The following THSD4 variants were observed in gnomAD, a reference collection of about 807,000 sequenced individuals.
THSD4 encodes the protein thrombospondin type 1 domain containing 4, also known as thrombospondin type-1 domain-containing protein 4.
Under a neutral mutation model 119.0 loss-of-function variants are expected in THSD4, and 69 were observed. The observed-to-expected ratio is 0.58, with a 90% CI of 0.48 to 0.71. The LOEUF is 0.71. THSD4 is among the 30% of genes least tolerant of loss of function. THSD4 has a pLI of 0.00. For missense variants in THSD4, 1,393 were observed against 1,391.1 expected (o/e 1.00, Z -0.02); for synonymous variants, 524 against 540.4 (o/e 0.97, Z 0.42).
At chr15:71,469,235 C>T (rs572768445) in intron 7 of THSD4, among the ~76,000 whole-genome samples, 4 of 152,258 alleles carry the variant, frequency 2.6e-5, no homozygotes, top group South Asian at 4.2e-4. Context: ...TCTTCTAAAC[C>T]GTGCTAACTT....
chr15:71,399,702 A>G (rs1205814468), intron 6 of THSD4, among the ~76,000 whole-genome samples: 1 of 152,210 alleles, frequency 6.6e-6, no homozygotes, highest in Non-Finnish European at 1.5e-5. Flanking sequence ...CTCCCGGACC[A>G]GCAGCACTGG....
chr15:71,746,801 G>C, intron 12 of THSD4, 37 bp from the exon 13 acceptor site: 4 of 1,605,938 alleles, frequency 2.5e-6, no homozygotes, highest in Non-Finnish European at 3.4e-6. Flanking sequence ...TTGACTGAAG[G>C]TTGTCTCTCA....
intron 8 of THSD4, among the ~76,000 whole-genome samples, chr15:71,669,372 T>G (rs2051476697): frequency 6.6e-6 from 1 of 152,230 alleles, no homozygotes; most frequent in African/African-American, 2.4e-5. Flanking sequence ...TATCTTACAT[T>G]TCAACTCTGC....
chr15:71,503,695 A>G (rs929798413), intron 7 of THSD4, among the ~76,000 whole-genome samples: 3 of 152,148 alleles, frequency 2.0e-5, no homozygotes, highest in African/African-American at 7.2e-5. Flanking sequence ...ATCTTCAGCA[A>G]AGGGGGGCCT....
At chr15:71,616,760 C>T (rs1005671087) in intron 7 of THSD4, among the ~76,000 whole-genome samples, 2 of 152,218 alleles carry the variant, frequency 1.3e-5, no homozygotes, top group African/African-American at 4.8e-5. Flanking sequence ...GATGAGATTC[C>T]TGCATTGGGC....
At chr15:71,281,907 C>T (rs2044657475) in intron 6 of THSD4, among the ~76,000 whole-genome samples, 3 of 152,200 alleles carry the variant, frequency 2.0e-5, no homozygotes, top group Admixed American at 2.0e-4. Flanking sequence ...TGTCCTTTGG[C>T]TTTGGCTCAT....
chr15:71,210,334 C>T (rs905627730), intron 3 of THSD4, among the ~76,000 whole-genome samples: 10 of 152,098 alleles, frequency 6.6e-5, no homozygotes, highest in African/African-American at 1.7e-4. Context: ...AATTAGCCTT[C>T]GGTTGGCCTG....
intron 1 of THSD4, among the ~76,000 whole-genome samples, chr15:71,139,359 C>T (rs992297553): frequency 1.1e-4 from 16 of 152,186 alleles, no homozygotes; most frequent in Admixed American, 2.6e-4. Flanking sequence ...TGATGGTTAT[C>T]AGGGACTTGG....
In THSD4 at chr15:71,740,479, G is replaced by T. The variant is rs7169320; in HGVS notation, c.1906+2472G>T. 9.0e-3 allele frequency among the ~76,000 whole-genome samples: 1,369 copies of T among 152,262 alleles called. 12 individuals carry two copies. The highest frequency in any genetic ancestry group is 0.032 in the African/African-American group (1,328 of 41,550). ...CTGTCACTGCGTGGTTTTCAACAAA[G>T]GGTGCCATGTGGAGAAGATTCTCTT... On this transcript the variant is annotated intron_variant, in intron 11 of 17. Transcript: ENST00000261862.
chr15:71,453,306 T>C (rs1276168330), intron 7 of THSD4, among the ~76,000 whole-genome samples: 2 of 152,196 alleles, frequency 1.3e-5, no homozygotes, highest in Admixed American at 1.3e-4. Context: ...CCTTTCAGAA[T>C]TCAAAACTTA....
chr15:71,249,126 C>T lies in THSD4; in HGVS notation c.912+6030C>T, dbSNP rs140890029. On this transcript the variant is annotated intron_variant, in intron 5 of 17. Transcript: ENST00000261862. ...ATACATATATATATACACACACACA[C>T]GTATGTATATACACTTATATGTGAA... Among the ~76,000 whole-genome samples the T allele has an allele frequency of 8.5e-3, 1,291 of 151,958 alleles. 26 individuals carry two copies. Among genetic ancestry groups the T allele is most frequent in the African/African-American group, 0.03 (1,250 of 41,438 alleles).
At position 71,745,101 on chromosome 15, in the gene THSD4, T is replaced by G; in HGVS notation, c.1907-5T>G. On this transcript the variant is annotated splice_polypyrimidine_tract_variant and splice_region_variant and intron_variant, in intron 11 of 17. Transcript: ENST00000261862. ...TGTCCTTCAGACATTCTCCTGTTGT[T>G]GCAGGATCGCAGTACCCTATTTTCC... The G allele has an allele frequency of 6.2e-7, 1 of 1,609,642 alleles. No individual in the cohort carries two copies. Among genetic ancestry groups the G allele is most frequent in the East Asian group, 2.2e-5 (1 of 44,788 alleles).
intron 6 of THSD4, among the ~76,000 whole-genome samples, chr15:71,402,644 G>A (rs527675043): frequency 6.6e-6 from 1 of 152,280 alleles, no homozygotes; most frequent in Non-Finnish European, 1.5e-5. Context: ...TGTACCAGAG[G>A]ACCAGTTGTT....
intron 7 of THSD4, among the ~76,000 whole-genome samples, chr15:71,470,718 C>T (rs537297832): frequency 1.3e-5 from 2 of 151,994 alleles, no homozygotes; most frequent in Non-Finnish European, 2.9e-5. Flanking sequence ...TCACTGCAAG[C>T]TCCGCTTCCC....
rs566901605 is a variant in THSD4, at chr15:71,535,416, G to T, written c.1152+123593G>T. Among the ~76,000 whole-genome samples the T allele has an allele frequency of 2.6e-5, 4 of 152,290 alleles. No homozygotes were observed. In the South Asian group the frequency reaches 8.3e-4, roughly 32 times the overall value. On this transcript the variant is annotated intron_variant, in intron 7 of 17. Coordinates refer to ENST00000261862, the MANE Select transcript of THSD4 (RefSeq NM_024817.3). ...TATTTGAGTTACGTCCATTTCGGGGGTTGGGCTATCATGAATAATGCTGCT... is the reference window on the plus strand; with the variant it reads ...TATTTGAGTTACGTCCATTTCGGGGTTTGGGCTATCATGAATAATGCTGCT...
rs542231612 is a variant in THSD4, at chr15:71,568,698, G to A, written c.1153-91832G>A. 1.5e-4 allele frequency among the ~76,000 whole-genome samples: 23 copies of A among 151,372 alleles called. No individual in the cohort carries two copies. The South Asian group carries it at 3.8e-3, about 25-fold the overall frequency. On this transcript the variant is annotated intron_variant, in intron 7 of 17. Transcript: ENST00000261862. ...GTTGGTGCGCTGCACCCATTAACTCGTCATTTACATTAGATATATCTCCTC... is the reference window on the plus strand; with the variant it reads ...GTTGGTGCGCTGCACCCATTAACTCATCATTTACATTAGATATATCTCCTC...
intron 7 of THSD4, among the ~76,000 whole-genome samples, chr15:71,471,482 G>T (rs1356052655): frequency 6.6e-6 from 1 of 152,010 alleles, no homozygotes; most frequent in African/African-American, 2.4e-5. Context: ...GATACAGTGT[G>T]CCCCTCTGAG....
At chr15:71,526,384 C>T (rs1185979298) in intron 7 of THSD4, among the ~76,000 whole-genome samples, 3 of 152,154 alleles carry the variant, frequency 2.0e-5, no homozygotes, top group Admixed American at 1.3e-4. Flanking sequence ...TTTCCAGTTA[C>T]TTCTTTCTTG....
intron 7 of THSD4, among the ~76,000 whole-genome samples, chr15:71,567,463 A>G (rs2049262883): frequency 6.6e-6 from 1 of 152,206 alleles, no homozygotes; most frequent in African/African-American, 2.4e-5. Context: ...CACACACCTC[A>G]GAATTACCCA....
Sources: allele counts gnomAD v4.1 joint callset (sites outside exome capture counted in the v4.1 genomes callset), GRCh38; gene constraint gnomAD v4.1.1; transcripts MANE v1.5; gene names NCBI Gene and HGNC (gene_info 2026-07-23, HGNC 2026-07-21).